Variants in CHD6 observed in about 807,000 individuals in gnomAD.
CHD6 encodes chromodomain helicase DNA binding protein 6, also known as ATP-dependent chromatin remodeler CHD6.
A neutral mutation model predicts 276.9 loss-of-function variants in CHD6; 50 were observed. That is an observed-to-expected ratio of 0.18 (90% CI 0.14 to 0.23). The LOEUF (loss-of-function observed/expected upper bound fraction) is 0.23. Ranked by LOEUF, CHD6 falls within the 10% of genes least tolerant of loss-of-function variation. The probability of loss-of-function intolerance (pLI) is 1.00; values close to 1 mark genes in which losing one functional copy is unlikely to be tolerated. For missense variants in CHD6, 2,564 were observed against 3,365.8 expected, an observed-to-expected ratio of 0.76 and a Z score of 5.89; for synonymous variants, 1,173 against 1,229.3, an observed-to-expected ratio of 0.95 and a Z score of 0.96.
intron 33 of CHD6, 125 bp downstream of exon 33, chr20:41,416,462 TA>T: frequency 1.2e-6 from 1 of 803,082 alleles, no homozygotes; most frequent in Non-Finnish European, 2.0e-6. Flanking sequence ...CAATCAACAC[TA>T]ATGGCTTGGC....
chr20:41,464,755 T>C (rs185325506), intron 17 of CHD6, among the ~76,000 whole-genome samples: 11 of 152,310 alleles, frequency 7.2e-5, no homozygotes, highest in African/African-American at 2.6e-4. Context: ...GAGTTTGGTT[T>C]CTAAATGCTG....
At chr20:41,536,398 A>C (rs2044830821) in intron 2 of CHD6, among the ~76,000 whole-genome samples, 1 of 152,222 alleles carries the variant, frequency 6.6e-6, no homozygotes, top group Non-Finnish European at 1.5e-5. Context: ...ATTCCTGGAA[A>C]AGACACTTAA....
At chr20:41,469,910 G>A (rs1230780913) in intron 17 of CHD6, among the ~76,000 whole-genome samples, 1 of 152,190 alleles carries the variant, frequency 6.6e-6, no homozygotes, top group Non-Finnish European at 1.5e-5. Context: ...TTCTATCCTG[G>A]ATCCTAATGA....
chr20:41,536,970 T>A (rs1353666544), intron 2 of CHD6, among the ~76,000 whole-genome samples: 1 of 152,144 alleles, frequency 6.6e-6, no homozygotes, highest in Non-Finnish European at 1.5e-5. Context: ...GATGTGAAGG[T>A]TGAAAGGGAA....
intron 1 of CHD6, among the ~76,000 whole-genome samples, chr20:41,579,252 G>C (rs959831338): frequency 6.8e-6 from 1 of 147,470 alleles, no homozygotes; most frequent in African/African-American, 2.5e-5. Flanking sequence ...CCGACCAACA[G>C]TGGCGGGAAA....
intron 36 of CHD6, 51 bp from the exon 37 acceptor site, chr20:41,405,540 G>C: frequency 7.0e-7 from 1 of 1,420,334 alleles, no homozygotes; most frequent in Non-Finnish European, 9.6e-7. Flanking sequence ...ATGGCAGGTG[G>C]TCAGCTGAGG....
At chr20:41,428,379 C>A (rs2047431754) in intron 27 of CHD6, among the ~76,000 whole-genome samples, 1 of 152,194 alleles carries the variant, frequency 6.6e-6, no homozygotes, top group Non-Finnish European at 1.5e-5. Flanking sequence ...AGAGGCCCTG[C>A]ATCTGAACTA....
At chr20:41,441,842 G>A (rs958335260) in intron 25 of CHD6, among the ~76,000 whole-genome samples, 27 of 152,168 alleles carry the variant, frequency 1.8e-4, no homozygotes, top group African/African-American at 6.3e-4. Flanking sequence ...GGTGTCGGCT[G>A]CCTGCCTCTT....
Position 41,533,384 on chromosome 20 carries a change from T to C in CHD6, c.220A>G (p.Arg74Gly), listed in dbSNP as rs2044739902. 2.5e-6 allele frequency: 4 copies of C among 1,613,846 alleles called. No homozygotes were observed. Among genetic ancestry groups the C allele is most frequent in the Admixed American group, 3.3e-5 (2 of 59,974 alleles). The change falls in exon 3 of 37, where the codon AGG becomes GGG. Residue 74 changes from arginine to glycine, a missense_variant. Physicochemically the swap from Arg to Gly is moderately radical, Grantham distance 125. Coordinates refer to ENST00000373233, the MANE Select transcript of CHD6 (RefSeq NM_032221.5). ...ATCCCATTATGGGATGTCATTTTCC[T>C]AGGAAAAAGGGTAGCAGCTTCCTCT... is the stretch of plus-strand genomic sequence containing the variant. Reference protein sequence around the residue: ...AEEEAATLFPRKMTSHNGMED... With the variant: ...AEEEAATLFPGKMTSHNGMED...
chr20:41,484,243 G>A (rs376844115), intron 15 of CHD6, 109 bp downstream of exon 15: 87 of 1,321,316 alleles, frequency 6.6e-5, no homozygotes, highest in Non-Finnish European at 8.5e-5. Context: ...GTGAGAATGC[G>A]TACATCCTAG....
Position 41,444,481 on chromosome 20 carries a change from G to A in CHD6, c.3877+1184C>T, listed in dbSNP as rs138909520. Among the ~76,000 whole-genome samples the A allele has an allele frequency of 4.6e-5, 7 of 152,246 alleles. No homozygotes were observed. In the East Asian group the frequency reaches 1.2e-3, roughly 25 times the overall value. On this transcript the variant is annotated intron_variant, in intron 25 of 36. Coordinates refer to ENST00000373233, the MANE Select transcript of CHD6 (RefSeq NM_032221.5). ...GACAGCACCGCTTTAGCCTAACCCC[G>A]GCGGTTTGACAAAGGGTTCTCAGCA...
intron 27 of CHD6, among the ~76,000 whole-genome samples, chr20:41,436,736 T>C (rs1196725692): frequency 6.6e-6 from 1 of 152,196 alleles, no homozygotes; most frequent in East Asian, 1.9e-4. Flanking sequence ...AGGGAACTTT[T>C]CTGCATGAAA....
Position 41,516,407 on chromosome 20 carries a change from CAA to C in CHD6, c.555-1457_555-1456del, listed in dbSNP as rs538707335. Among the ~76,000 whole-genome samples, 489 of 152,258 alleles carry C rather than the reference CAA, an allele frequency of 3.2e-3. 1 individual carries two copies. The highest frequency in any genetic ancestry group is 0.011 in the African/African-American group (450 of 41,536). ...CAGGCTGGTCTAAAACTCCTGACCT[CAA>C]ATGATCTGCCTGCCTCAGCCTTCCA... On this transcript the variant is annotated intron_variant, in intron 3 of 36. Transcript: ENST00000373233.
intron 12 of CHD6, 95 bp from the exon 13 acceptor site, chr20:41,488,699 G>A (rs1250595090): frequency 6.6e-6 from 7 of 1,060,550 alleles, no homozygotes; most frequent in African/African-American, 6.4e-5. Flanking sequence ...TACAGATGCT[G>A]GGGCCTAGGT....
chr20:41,402,370 CAG>C lies in CHD6; in HGVS notation c.*2221_*2222del, dbSNP rs2046559629. 4.4e-6 allele frequency: 1 copy of C among 229,020 alleles called. No homozygotes were observed. Among genetic ancestry groups the C allele is most frequent in the African/African-American group, 2.2e-5 (1 of 45,092 alleles). 14.2% of individuals were successfully genotyped at this position (229,020 alleles called of 1,614,324 possible). ...GCAGTCAAATAGAAGCCTGAACACC[CAG>C]AGAGTTAACATACAGATTCCATAAG... On this transcript the variant is annotated 3_prime_UTR_variant, in exon 37 of 37. Coordinates refer to ENST00000373233, the MANE Select transcript of CHD6 (RefSeq NM_032221.5).
intron 16 of CHD6, among the ~76,000 whole-genome samples, chr20:41,479,133 C>T (rs867460033): frequency 6.6e-6 from 1 of 151,762 alleles, no homozygotes; most frequent in Non-Finnish European, 1.5e-5. Context: ...AACTTGAAGA[C>T]AGATAAAAGA....
At chr20:41,532,498 C>T (rs552899657) in intron 3 of CHD6, among the ~76,000 whole-genome samples, 8 of 152,340 alleles carry the variant, frequency 5.3e-5, no homozygotes, top group African/African-American at 1.9e-4. Flanking sequence ...TCACTGCCCC[C>T]TGTATCACAC....
intron 3 of CHD6, among the ~76,000 whole-genome samples, chr20:41,517,575 T>G (rs1353097893): frequency 6.6e-6 from 1 of 152,250 alleles, no homozygotes; most frequent in African/African-American, 2.4e-5. Flanking sequence ...CCTTTTCTTA[T>G]CAGTTCAGAA....
intron 3 of CHD6, among the ~76,000 whole-genome samples, chr20:41,515,565 C>T (rs758326218): frequency 3.9e-5 from 6 of 152,178 alleles, no homozygotes; most frequent in Non-Finnish European, 8.8e-5. Flanking sequence ...CTCTAAAAGG[C>T]CTTTCCTGGC....
Sources: allele counts gnomAD v4.1 joint callset (sites outside exome capture counted in the v4.1 genomes callset), GRCh38; gene constraint gnomAD v4.1.1; transcripts MANE v1.5; gene names NCBI Gene and HGNC (gene_info 2026-07-23, HGNC 2026-07-21).